Variants in HECW2 observed in about 807,000 individuals in gnomAD.
HECW2 encodes the protein E3 ubiquitin-protein ligase HECW2.
A neutral mutation model predicts 175.2 loss-of-function variants in HECW2; 61 were observed. The observed-to-expected ratio is 0.35, with a 90% CI of 0.28 to 0.43. The LOEUF (loss-of-function observed/expected upper bound fraction) is 0.43. Among genes scored for constraint, HECW2 ranks in the 20% least tolerant of loss-of-function variants. The pLI is 1.00. For missense variants in HECW2, 1,524 were observed against 2,000.5 expected, an observed-to-expected ratio of 0.76 and a Z score of 4.54; for synonymous variants, 671 against 731.0, an observed-to-expected ratio of 0.92 and a Z score of 1.32.
chr2:196,574,698 C>T (rs1690500809), intron 1 of HECW2, among the ~76,000 whole-genome samples: 1 of 151,960 alleles, frequency 6.6e-6, no homozygotes, highest in Non-Finnish European at 1.5e-5. Flanking sequence ...TACACAGAAC[C>T]ACAGAACACT....
chr2:196,285,899 C>G (rs2106009715), intron 14 of HECW2, among the ~76,000 whole-genome samples: 1 of 152,296 alleles, frequency 6.6e-6, no homozygotes, highest in African/African-American at 2.4e-5. Context: ...GGAGAGGAAA[C>G]AGGGATTTGT....
chr2:196,360,310 G>A (rs1172967314), intron 2 of HECW2, among the ~76,000 whole-genome samples: 1 of 152,160 alleles, frequency 6.6e-6, no homozygotes, highest in Non-Finnish European at 1.5e-5. Flanking sequence ...GCCCATCAAT[G>A]ACAAATGGGA....
intron 13 of HECW2, among the ~76,000 whole-genome samples, chr2:196,302,743 G>A (rs978445376): frequency 2.0e-5 from 3 of 152,154 alleles, no homozygotes; most frequent in Non-Finnish European, 1.5e-5. Flanking sequence ...GTATAGGAAT[G>A]CTAGCAATTT....
chr2:196,478,665 G>A (rs765992755), intron 1 of HECW2, among the ~76,000 whole-genome samples: 2 of 151,952 alleles, frequency 1.3e-5, no homozygotes, highest in South Asian at 2.1e-4. Context: ...AAGAGTCAGA[G>A]GAGACCCCCA....
At chr2:196,327,298 T>C (rs1184027070) in intron 5 of HECW2, among the ~76,000 whole-genome samples, 1 of 152,208 alleles carries the variant, frequency 6.6e-6, no homozygotes, top group East Asian at 1.9e-4. Flanking sequence ...TCTTCCTTAA[T>C]AAATACAATA....
intron 1 of HECW2, among the ~76,000 whole-genome samples, chr2:196,461,876 C>A (rs954717737): frequency 6.6e-6 from 1 of 152,140 alleles, no homozygotes; most frequent in South Asian, 2.1e-4. Flanking sequence ...AGGAACCATG[C>A]GGATTACAAT....
chr2:196,389,645 G>A (rs1694449558), intron 2 of HECW2, among the ~76,000 whole-genome samples: 1 of 152,176 alleles, frequency 6.6e-6, no homozygotes, highest in Non-Finnish European at 1.5e-5. Context: ...CTCAGAGGTG[G>A]TCAGTACCAG....
At chr2:196,501,455 T>C (rs1687575399) in intron 1 of HECW2, among the ~76,000 whole-genome samples, 1 of 152,100 alleles carries the variant, frequency 6.6e-6, no homozygotes, top group South Asian at 2.1e-4. Flanking sequence ...TTCACCATGT[T>C]GGCCAGGTTG....
intron 2 of HECW2, among the ~76,000 whole-genome samples, chr2:196,358,268 T>C (rs943235107): frequency 2.0e-5 from 3 of 152,076 alleles, no homozygotes; most frequent in East Asian, 1.9e-4. Context: ...GAGCTAAACA[T>C]ACGAGTTTTA....
chr2:196,202,969 T>C (rs1031028890), intron 28 of HECW2, among the ~76,000 whole-genome samples: 1 of 152,202 alleles, frequency 6.6e-6, no homozygotes, highest in African/African-American at 2.4e-5. Flanking sequence ...TTTTATACCA[T>C]ATTTACATAA....
In HECW2 at chr2:196,199,281, G is replaced by A. The variant is rs1686782392; in HGVS notation, c.*1996C>T. ...AAATTAAATATATACTTGTATTCAT[G>A]ATCAATAAGTACAAACTAACATTTC... On this transcript the variant is annotated 3_prime_UTR_variant, in exon 29 of 29. Transcript: ENST00000644978. 6.6e-6 allele frequency: 1 copy of A among 152,548 alleles called. No homozygotes were observed. The highest frequency in any genetic ancestry group is 2.1e-4 in the South Asian group (1 of 4,830). 9.4% of individuals were successfully genotyped at this position (152,548 alleles called of 1,614,324 possible).
chr2:196,310,120 C>T (rs959754571), intron 10 of HECW2, among the ~76,000 whole-genome samples: 2 of 152,100 alleles, frequency 1.3e-5, no homozygotes, highest in African/African-American at 2.4e-5. Context: ...TAAAATGACA[C>T]AAAGCCACAA....
intron 1 of HECW2, among the ~76,000 whole-genome samples, chr2:196,548,560 C>T (rs367912394): frequency 3.9e-5 from 6 of 152,290 alleles, no homozygotes; most frequent in South Asian, 2.1e-4. Flanking sequence ...AAGGTAGCTG[C>T]CCCATTCTAC....
chr2:196,228,473 T>A (rs1332970727), intron 21 of HECW2, among the ~76,000 whole-genome samples: 2 of 152,196 alleles, frequency 1.3e-5, no homozygotes, highest in Non-Finnish European at 2.9e-5. Flanking sequence ...TACCTAAAAC[T>A]AAGCCACACA....
chr2:196,443,845 G>T (rs1437618611), intron 1 of HECW2, among the ~76,000 whole-genome samples: 1 of 152,094 alleles, frequency 6.6e-6, no homozygotes, highest in African/African-American at 2.4e-5. Flanking sequence ...GCCTGGCCTG[G>T]GCAACATGGC....
intron 24 of HECW2, 100 bp downstream of exon 24, chr2:196,222,111 C>T (rs576777765): frequency 7.5e-5 from 81 of 1,076,364 alleles, no homozygotes; most frequent in Non-Finnish European, 9.2e-5. Flanking sequence ...CAATAAACCA[C>T]GAATAAATAA....
intron 19 of HECW2, among the ~76,000 whole-genome samples, chr2:196,246,920 C>G (rs758669588): frequency 6.6e-6 from 1 of 152,104 alleles, no homozygotes; most frequent in Non-Finnish European, 1.5e-5. Context: ...TTCTTTTGCT[C>G]ATAGTTCCAT....
At chr2:196,379,227 A>T (rs1255303857) in intron 2 of HECW2, among the ~76,000 whole-genome samples, 1 of 152,252 alleles carries the variant, frequency 6.6e-6, no homozygotes, top group African/African-American at 2.4e-5. Flanking sequence ...TTTTATTTAC[A>T]GTTCAAAAAC....
At chr2:196,265,722 C>T (rs1279681703) in intron 17 of HECW2, among the ~76,000 whole-genome samples, 1 of 152,166 alleles carries the variant, frequency 6.6e-6, no homozygotes. Context: ...ACTATGCTTA[C>T]ACAGTATCAA....
Sources: gnomAD v4.1 joint callset for allele counts (sites outside exome capture counted in the v4.1 genomes callset) on GRCh38, gnomAD v4.1.1 for gene constraint, MANE v1.5 for transcripts, NCBI Gene and HGNC (gene_info 2026-07-23, HGNC 2026-07-21) for gene names.